Variants in NRG3 observed in about 807,000 individuals in gnomAD.
NRG3 encodes the protein pro-neuregulin-3, membrane-bound isoform.
NRG3 carries 31 observed loss-of-function variants against 66.9 expected under a neutral mutation model. That is an observed-to-expected ratio of 0.46 (90% confidence interval 0.35 to 0.63). NRG3 has a LOEUF of 0.63. Among genes scored for constraint, NRG3 ranks in the 20% least tolerant of loss-of-function variants. NRG3 has a pLI of 0.00. For synonymous variants in NRG3, 393 were observed against 359.4 expected (o/e 1.09, Z -1.06); for missense variants, 910 against 878.9 (o/e 1.04, Z -0.45).
intron 2 of NRG3, among the ~76,000 whole-genome samples, chr10:82,364,764 C>T (rs753762087): frequency 6.6e-6 from 1 of 152,202 alleles, no homozygotes; most frequent in Non-Finnish European, 1.5e-5. Context: ...TTTTGGAAAT[C>T]AGCCAAGCAA....
intron 2 of NRG3, 24 bp downstream of exon 2, chr10:82,358,892 G>A: frequency 6.2e-7 from 1 of 1,613,958 alleles, no homozygotes; most frequent in Non-Finnish European, 8.5e-7. Flanking sequence ...GCCACTGATG[G>A]AAAGGGCAGG....
At chr10:82,571,250 A>G (rs2045717902) in intron 2 of NRG3, among the ~76,000 whole-genome samples, 2 of 151,642 alleles carry the variant, frequency 1.3e-5, no homozygotes, top group Admixed American at 6.6e-5. Context: ...AAATATACAA[A>G]TAGGCCAATA....
intron 4 of NRG3, among the ~76,000 whole-genome samples, chr10:82,940,978 C>T (rs1244652196): frequency 6.6e-6 from 1 of 152,070 alleles, no homozygotes; most frequent in African/African-American, 2.4e-5. Context: ...TTTTGGAAGA[C>T]AAAATTCAAT....
At chr10:82,229,469 G>A (rs1042874029) in intron 1 of NRG3, among the ~76,000 whole-genome samples, 5 of 152,114 alleles carry the variant, frequency 3.3e-5, no homozygotes, top group Admixed American at 6.5e-5. Flanking sequence ...AAGAAAATTA[G>A]TATATTAGTT....
At chr10:82,301,695 T>TATATATATAC (rs2080413648) in intron 1 of NRG3, among the ~76,000 whole-genome samples, 1 of 148,316 alleles carries the variant, frequency 6.7e-6, no homozygotes, top group African/African-American at 2.5e-5. Context: ...CCTATATATA[T>TATATATATAC]ATATATATAT....
At chr10:82,265,558 C>T (rs373688381) in intron 1 of NRG3, among the ~76,000 whole-genome samples, 17 of 152,056 alleles carry the variant, frequency 1.1e-4, no homozygotes, top group African/African-American at 3.4e-4. Flanking sequence ...TTGGATGTGG[C>T]GTAATAATAG....
intron 2 of NRG3, among the ~76,000 whole-genome samples, chr10:82,550,939 A>G (rs1345416600): frequency 2.6e-5 from 4 of 152,138 alleles, no homozygotes; most frequent in Non-Finnish European, 2.9e-5. Context: ...CTTGGTTTCA[A>G]TCCTAATCTG....
At chr10:82,682,436 G>A (rs1442468785) in intron 2 of NRG3, among the ~76,000 whole-genome samples, 2 of 147,546 alleles carry the variant, frequency 1.4e-5, no homozygotes, top group African/African-American at 5.0e-5. Flanking sequence ...TAGATAGATA[G>A]ATAATAGATT....
rs564284085 is a variant in NRG3 at position 82,949,517 on chromosome 10, T to A, written c.1055-1952T>A. Reference sequence around the variant, plus strand: ...TAGTGCTTGCTATAATTGAATAATGTTCTAATTTTAGTATGCATGAGAAAT... The same window carrying A: ...TAGTGCTTGCTATAATTGAATAATGATCTAATTTTAGTATGCATGAGAAAT... On this transcript the variant is annotated intron_variant, in intron 4 of 8. Coordinates refer to ENST00000372141, the MANE Select transcript of NRG3 (RefSeq NM_001010848.4). Among the ~76,000 whole-genome samples the A allele has an allele frequency of 5.9e-5, 9 of 152,236 alleles. No homozygotes were observed. The South Asian group carries it at 1.9e-3, about 32-fold the overall frequency.
chr10:82,971,434 TTC>T (rs1307759361), intron 6 of NRG3, among the ~76,000 whole-genome samples: 1 of 98,354 alleles, frequency 1.0e-5, no homozygotes, highest in African/African-American at 4.3e-5. Context: ...GAGAAAGCCG[TTC>T]TTTTTTTTTT....
At chr10:82,958,799 G>T (rs1850331004) in intron 5 of NRG3, 150 bp from the exon 6 acceptor site, 2 of 858,960 alleles carry the variant, frequency 2.3e-6, no homozygotes, top group East Asian at 2.9e-5. Flanking sequence ...TTCTGGTGGG[G>T]TTGGAAATGA....
chr10:82,961,395 A>G (rs1376927357), intron 6 of NRG3, among the ~76,000 whole-genome samples: 1 of 152,228 alleles, frequency 6.6e-6, no homozygotes, highest in Non-Finnish European at 1.5e-5. Flanking sequence ...AAATTAATAT[A>G]AATGCATTGT....
intron 1 of NRG3, among the ~76,000 whole-genome samples, chr10:82,312,915 G>C (rs1470277765): frequency 6.6e-6 from 1 of 152,134 alleles, no homozygotes; most frequent in Non-Finnish European, 1.5e-5. Context: ...GGTGGCTCAT[G>C]CCTGTAATTC....
In NRG3 at chr10:82,965,340, T is replaced by C. The variant is rs992941248; in HGVS notation, c.1284+6265T>C. ...GGGAGATCCAGACAGGCAGCTAATC[T>C]GAGCACTTAAATTTCACTGAAGATA... On this transcript the variant is annotated intron_variant, in intron 6 of 8. Coordinates refer to ENST00000372141, the MANE Select transcript of NRG3 (RefSeq NM_001010848.4). Among the ~76,000 whole-genome samples, 3 of 152,310 alleles carry C rather than the reference T, an allele frequency of 2.0e-5. 1 individual carries two copies. In the South Asian group the frequency reaches 6.2e-4, roughly 32 times the overall value.
chr10:82,074,584 C>T (rs2133355851), intron 1 of NRG3, among the ~76,000 whole-genome samples: 1 of 152,214 alleles, frequency 6.6e-6, no homozygotes, highest in Non-Finnish European at 1.5e-5. Context: ...GTTCTAAACA[C>T]TTTGGGAGGC....
At chr10:82,506,779 A>G (rs1320976496) in intron 2 of NRG3, among the ~76,000 whole-genome samples, 1 of 152,226 alleles carries the variant, frequency 6.6e-6, no homozygotes. Context: ...ATCCAGAATG[A>G]ACTAGTTACT....
chr10:82,613,427 A>G (rs1164449548), intron 2 of NRG3, among the ~76,000 whole-genome samples: 1 of 151,468 alleles, frequency 6.6e-6, no homozygotes, highest in Non-Finnish European at 1.5e-5. Context: ...TTTAAAAAAA[A>G]TAATTAATTA....
intron 1 of NRG3, among the ~76,000 whole-genome samples, chr10:82,230,526 C>T (rs1433284216): frequency 6.6e-6 from 1 of 151,358 alleles, no homozygotes; most frequent in Non-Finnish European, 1.5e-5. Flanking sequence ...TAAAGTAAGG[C>T]AACTGACAAA....
chr10:82,681,438 G>A (rs1030401278), intron 2 of NRG3, among the ~76,000 whole-genome samples: 1 of 152,174 alleles, frequency 6.6e-6, no homozygotes, highest in East Asian at 1.9e-4. Context: ...ATTAAAAAGT[G>A]CAGGAGAAAC....
Sources: gnomAD v4.1 joint callset for allele counts (sites outside exome capture counted in the v4.1 genomes callset) on GRCh38, gnomAD v4.1.1 for gene constraint, MANE v1.5 for transcripts, NCBI Gene and HGNC (gene_info 2026-07-23, HGNC 2026-07-21) for gene names.